DLL3: variants seen among roughly 807,000 people sequenced by gnomAD.
DLL3 encodes delta-like protein 3.
DLL3 carries 49 observed loss-of-function variants against 55.0 expected under a neutral mutation model. The ratio of observed to expected loss-of-function variants is 0.89; its 90% CI spans 0.71 to 1.13. The LOEUF (loss-of-function observed/expected upper bound fraction) is 1.13. Among genes scored for constraint, DLL3 ranks in the 50% most tolerant of loss-of-function variants. DLL3 has a pLI of 0.00. For missense variants in DLL3, 962 were observed against 875.5 expected, an observed-to-expected ratio of 1.10 and a Z score of -1.25; for synonymous variants, 421 against 385.2, an observed-to-expected ratio of 1.09 and a Z score of -1.09.
chr19:39,499,521 C>T, intron 2 of DLL3, 48 bp downstream of exon 2: 2 of 1,554,848 alleles, frequency 1.3e-6, no homozygotes, highest in Non-Finnish European at 1.7e-6. Flanking sequence ...CCTAACCCTG[C>T]CAGCGAAACC....
chr19:39,507,751 C>G, intron 7 of DLL3, 79 bp from the exon 8 acceptor site: 1 of 1,608,944 alleles, frequency 6.2e-7, no homozygotes, highest in South Asian at 1.1e-5. Context: ...GTTTTGGGTT[C>G]CCCTTTGTGA....
rs527870527 is a variant in DLL3, at chr19:39,499,856, T to C, written c.351+383T>C. Among the ~76,000 whole-genome samples, 675 of 69,152 alleles carry C rather than the reference T, an allele frequency of 9.8e-3. 2 individuals carry two copies. The highest frequency in any genetic ancestry group is 0.027 in the African/African-American group (518 of 18,922). 45.4% of individuals were successfully genotyped at this position (69,152 alleles called of 152,430 possible). On this transcript the variant is annotated intron_variant, in intron 2 of 8. Coordinates refer to ENST00000356433, the MANE Select transcript of DLL3 (RefSeq NM_203486.3). ...GGGACCACTAATATCTTCTCTCTCT[T>C]TTTTTTTTTTTTTCTGTCCTCAGTT...
chr19:39,504,429 G>A, intron 5 of DLL3, 141 bp downstream of exon 5: 1 of 945,204 alleles, frequency 1.1e-6, no homozygotes, highest in Non-Finnish European at 1.6e-6. Flanking sequence ...GAGGCATCCA[G>A]CCGGCATCTG....
intron 6 of DLL3, 34 bp from the exon 7 acceptor site, chr19:39,507,005 C>G (rs769460607): frequency 2.0e-4 from 307 of 1,529,918 alleles, no homozygotes; most frequent in Admixed American, 2.6e-4. Flanking sequence ...CCCCGGCTCC[C>G]GGACTGCGCC....
intron 3 of DLL3, among the ~76,000 whole-genome samples, chr19:39,502,300 T>A (rs941134043): frequency 1.3e-5 from 2 of 152,038 alleles, no homozygotes; most frequent in Non-Finnish European, 2.9e-5. Flanking sequence ...AGTCTTGCTC[T>A]GTCACCCAGG....
In DLL3 at chr19:39,504,148, A is replaced by G; in HGVS notation, c.730A>G (p.Thr244Ala). Residue 244 changes from threonine (T) to alanine (A), a missense_variant, in exon 5 of 9, where the codon ACT becomes GCT. Physicochemically the swap from Thr to Ala is moderately conservative, Grantham distance 58. Transcript: ENST00000356433. ...TGAATGCCGATGCCTAGAGGGCTGG[A>G]CTGGACCCCTCTGCACGGTCCCTGT... ...PGECRCLEGW[T>A]GPLCTVPVST... 1 of 1,612,742 alleles carries G rather than the reference A, an allele frequency of 6.2e-7. No homozygotes were observed. The highest frequency in any genetic ancestry group is 8.5e-7 in the Non-Finnish European group (1 of 1,180,006).
chr19:39,500,257 G>A lies in DLL3; in HGVS notation c.352-358G>A, dbSNP rs140215131. Among the ~76,000 whole-genome samples, 995 of 129,958 alleles carry A rather than the reference G, an allele frequency of 7.7e-3. 14 individuals carry two copies. The highest frequency in any genetic ancestry group is 0.026 in the African/African-American group (945 of 36,768). 85.3% of individuals were successfully genotyped at this position (129,958 alleles called of 152,430 possible). On this transcript the variant is annotated intron_variant, in intron 2 of 8. Transcript: ENST00000356433. ...AGTCTCAGTAACATAGTGAGACCTC[G>A]TTTCTAAAAAAAAAAAAAAAACATA...
chr19:39,508,244 G>T lies in DLL3; in HGVS notation c.1759-8G>T. 6.2e-7 allele frequency: 1 copy of T among 1,613,928 alleles called. No homozygotes were observed. The highest frequency in any genetic ancestry group is 8.5e-7 in the Non-Finnish European group (1 of 1,180,004). On this transcript the variant is annotated splice_polypyrimidine_tract_variant and splice_region_variant and intron_variant, in intron 8 of 8. Transcript: ENST00000356433. ...CTCTCTAATGCTTCCTACTCATTTT[G>T]TTTCTAGGCCTGACGCGTCTCCTCC...
rs1393715398 is a variant in DLL3, at chr19:39,507,508, C to G, written c.1563C>G (p.Ser521=). ...TCCACGTGCGCCGCCGTGGCCACTC[C>G]CAGGATGCTGGGTCTCGCTTGCTGG... is the stretch of plus-strand genomic sequence containing the variant. ...LLVHVRRRGH[S]QDAGSRLLAG... Residue 521 remains serine, a synonymous_variant, in exon 7 of 9, where the codon TCC becomes TCG. Transcript: ENST00000356433. 1.9e-6 allele frequency: 3 copies of G among 1,599,616 alleles called. No individual in the cohort carries two copies. The highest frequency in any genetic ancestry group is 1.3e-5 in the African/African-American group (1 of 74,610).
Position 39,499,474 on chromosome 19 carries a change from G to GT in DLL3, c.351+2dup. Reference sequence around the variant, plus strand: ...GGTGCCCTTCCGGGACGCCTGGCCTGTAAGTGCTGCCCCCGGGGGACTCCC... The same window carrying GT: ...GGTGCCCTTCCGGGACGCCTGGCCTGTTAAGTGCTGCCCCCGGGGGACTCCC... On this transcript the variant is annotated splice_donor_variant, in intron 2 of 8. Coordinates refer to ENST00000356433, the MANE Select transcript of DLL3 (RefSeq NM_203486.3). LOFTEE classifies it high-confidence loss of function. 3 of 1,588,040 alleles carry GT rather than the reference G, an allele frequency of 1.9e-6. No homozygotes were observed. Among genetic ancestry groups the GT allele is most frequent in the South Asian group, 1.1e-5 (1 of 88,848 alleles).
chr19:39,505,982 G>C lies in DLL3; in HGVS notation c.1093+531G>C, dbSNP rs375622545. ...TTCCAGCACTTTGGGAGGCCGAGGC[G>C]GGCAGATCACCTGAGCTCAGGAGTT... is the stretch of plus-strand genomic sequence containing the variant. On this transcript the variant is annotated intron_variant, in intron 6 of 8. Transcript: ENST00000356433. Among the ~76,000 whole-genome samples, 66 of 152,114 alleles carry C rather than the reference G, an allele frequency of 4.3e-4. 1 individual carries two copies. The South Asian group carries it at 0.013, about 30-fold the overall frequency.
At chr19:39,501,821 G>T (rs530574617) in intron 3 of DLL3, among the ~76,000 whole-genome samples, 1 of 152,278 alleles carries the variant, frequency 6.6e-6, no homozygotes, top group African/African-American at 2.4e-5. Context: ...ACATGTTATT[G>T]TTCTTTGGCC....
chr19:39,507,649 G>T, intron 7 of DLL3, 31 bp downstream of exon 7: 1 of 1,593,832 alleles, frequency 6.3e-7, no homozygotes, highest in Non-Finnish European at 8.5e-7. Flanking sequence ...CGAACGCCTT[G>T]CGCTGCTGGC....
chr19:39,505,441 A>G lies in DLL3; in HGVS notation c.1083A>G (p.Pro361=). The change falls in exon 6 of 9, where the codon CCA becomes CCG. Residue 361 remains proline (P), a synonymous_variant. Transcript: ENST00000356433. The part of the protein sequence containing the change: ...EKRVDRCSLQ[P]CRNGGLCLDL... ...GGGTGGACCGGTGCAGCCTGCAGCC[A>G]TGCCGCAATGGTGAGGCCTGGAGGC... is the stretch of plus-strand genomic sequence containing the variant. 2.5e-6 allele frequency: 4 copies of G among 1,614,066 alleles called. No homozygotes were observed. The highest frequency in any genetic ancestry group is 3.4e-6 in the Non-Finnish European group (4 of 1,180,012).
intron 7 of DLL3, 73 bp downstream of exon 7, chr19:39,507,691 C>T (rs2079652856): frequency 3.8e-6 from 6 of 1,588,358 alleles, no homozygotes; most frequent in Non-Finnish European, 5.1e-6. Context: ...TGCAGTTGGC[C>T]CGATTCCTTG....
chr19:39,505,858 G>A (rs2079637513), intron 6 of DLL3, among the ~76,000 whole-genome samples: 1 of 152,132 alleles, frequency 6.6e-6, no homozygotes, highest in Admixed American at 6.6e-5. Context: ...CTTTTCCCCT[G>A]AGTGAGATGG....
intron 2 of DLL3, 147 bp from the exon 3 acceptor site, chr19:39,500,468 T>C: frequency 2.0e-6 from 1 of 502,894 alleles, no homozygotes; most frequent in Non-Finnish European, 3.9e-6. Context: ...CTCCCTGGGC[T>C]GGTCTGGTCC....
rs775870175 is a variant in DLL3, at chr19:39,500,655, TAGG to T, written c.395_397del (p.Gly132del). 6.2e-7 allele frequency: 1 copy of T among 1,613,436 alleles called. No homozygotes were observed. The highest frequency in any genetic ancestry group is 1.3e-5 in the African/African-American group (1 of 75,000). On this transcript the variant is annotated inframe_deletion, in exon 3 of 9. Transcript: ENST00000356433. ...ATCATCGAAACCTGGAGAGAGGAGT[TAGG>T]AGACCAGATTGGAGGTGAGTGTCTT...
Position 39,503,981 on chromosome 19 carries a change from C to T in DLL3, c.653-90C>T, listed in dbSNP as rs544037248. 2.4e-5 allele frequency: 31 copies of T among 1,294,590 alleles called. No individual in the cohort carries two copies. In the South Asian group the frequency reaches 3.6e-4, roughly 15 times the overall value. The allele number at this position is 1,294,590 out of a possible 1,614,324, so 80.2% of individuals were successfully genotyped here. ...AGATGAAGCAAGGTGGCTCAGGGAACGTGCTCAGAAACCTCCCTGCTTTCC... is the reference window on the plus strand; with the variant it reads ...AGATGAAGCAAGGTGGCTCAGGGAATGTGCTCAGAAACCTCCCTGCTTTCC... On this transcript the variant is annotated intron_variant, in intron 4 of 8. Transcript: ENST00000356433.
Sources: allele counts gnomAD v4.1 joint callset (sites outside exome capture counted in the v4.1 genomes callset), GRCh38; gene constraint gnomAD v4.1.1; transcripts MANE v1.5; gene names NCBI Gene and HGNC (gene_info 2026-07-23, HGNC 2026-07-21).